Variants in METTL15 observed in about 807,000 individuals in gnomAD.
The protein encoded by METTL15 is 12S rRNA N(4)-cytidine methyltransferase METTL15.
A neutral mutation model predicts 38.3 loss-of-function variants in METTL15; 34 were observed. The ratio of observed to expected loss-of-function variants is 0.89; its 90% CI spans 0.68 to 1.18. The LOEUF (loss-of-function observed/expected upper bound fraction) is 1.18, where lower values mean the gene tolerates loss of function less well. METTL15 is among the 50% of genes most tolerant of loss of function. The pLI, the probability that METTL15 is intolerant of heterozygous loss-of-function variation, is 0.00. For missense variants in METTL15, 438 were observed against 498.4 expected (o/e 0.88, Z 1.15); for synonymous variants, 162 against 170.9 (o/e 0.95, Z 0.41).
downstream of METTL15, among the ~76,000 whole-genome samples, chr11:28,336,056 CT>C (rs1398558147): frequency 2.6e-5 from 4 of 152,090 alleles, no homozygotes; most frequent in East Asian, 1.9e-4. Flanking sequence ...TTAAAGATGT[CT>C]TTTTTCCCCC....
At chr11:28,158,050 G>A (rs1222999304) in intron 3 of METTL15, among the ~76,000 whole-genome samples, 1 of 152,182 alleles carries the variant, frequency 6.6e-6, no homozygotes, top group Admixed American at 6.5e-5. Context: ...ATGACCAGAT[G>A]TGTGATTGTA....
At chr11:28,187,978 G>A (rs550079433) in intron 3 of METTL15, among the ~76,000 whole-genome samples, 3 of 151,328 alleles carry the variant, frequency 2.0e-5, no homozygotes, top group Admixed American at 1.3e-4. Flanking sequence ...AAATACGCAA[G>A]CATTGTTCTT....
At chr11:28,491,085 A>G (rs1213315316) in intron 6 of METTL15, among the ~76,000 whole-genome samples, 1 of 152,126 alleles carries the variant, frequency 6.6e-6, no homozygotes, top group Non-Finnish European at 1.5e-5. Context: ...TGGACTTTTT[A>G]ATATATAGGA....
At chr11:28,194,365 AT>A (rs1452231433) in intron 3 of METTL15, among the ~76,000 whole-genome samples, 1 of 150,982 alleles carries the variant, frequency 6.6e-6, no homozygotes, top group Non-Finnish European at 1.5e-5. Context: ...TGTCTGGCTA[AT>A]TTTTTGTATT....
chr11:28,132,106 A>G (rs1373905787), intron 3 of METTL15, among the ~76,000 whole-genome samples: 1 of 152,210 alleles, frequency 6.6e-6, no homozygotes, highest in Non-Finnish European at 1.5e-5. Flanking sequence ...TAGTTTCAAT[A>G]TCTTTCCTAG....
At chr11:28,416,637 A>G (rs1005944601) in intron 5 of METTL15, among the ~76,000 whole-genome samples, 5 of 152,176 alleles carry the variant, frequency 3.3e-5, no homozygotes, top group Non-Finnish European at 7.3e-5. Context: ...CCCAAACACC[A>G]TAAGGGACTT....
chr11:28,474,362 G>T (rs924522710), intron 6 of METTL15, among the ~76,000 whole-genome samples: 1 of 151,886 alleles, frequency 6.6e-6, no homozygotes, highest in Non-Finnish European at 1.5e-5. Context: ...TAATGATAAT[G>T]CCTCTCTGTA....
intron 6 of METTL15, among the ~76,000 whole-genome samples, chr11:28,520,428 T>G (rs1851755816): frequency 1.3e-5 from 2 of 152,192 alleles, no homozygotes; most frequent in South Asian, 4.1e-4. Context: ...TGGGTGAGGC[T>G]GCCCTGGGAG....
At chr11:28,505,030 C>T (rs368772372) in intron 6 of METTL15, among the ~76,000 whole-genome samples, 54 of 152,298 alleles carry the variant, frequency 3.5e-4, no homozygotes, top group African/African-American at 1.3e-3. Context: ...GGGCCATTCC[C>T]AGTCTTAGTT....
At chr11:28,407,131 T>G (rs1490495097) in intron 5 of METTL15, among the ~76,000 whole-genome samples, 1 of 152,178 alleles carries the variant, frequency 6.6e-6, no homozygotes, top group Non-Finnish European at 1.5e-5. Context: ...TCAGGGAAAC[T>G]GGACTCTTTC....
chr11:28,273,731 G>A (rs953974125), intron 4 of METTL15, among the ~76,000 whole-genome samples: 2 of 151,964 alleles, frequency 1.3e-5, no homozygotes, highest in African/African-American at 4.8e-5. Flanking sequence ...TTAGTAAATG[G>A]ACTAAAGATA....
At chr11:28,374,787 G>A (rs1381729380) in intron 5 of METTL15, among the ~76,000 whole-genome samples, 7 of 150,062 alleles carry the variant, frequency 4.7e-5, no homozygotes, top group Non-Finnish European at 5.9e-5. Flanking sequence ...ATTCAGTATG[G>A]TATTGGCTGT....
At chr11:28,208,773 T>G (rs958325495) in intron 3 of METTL15, among the ~76,000 whole-genome samples, 5 of 152,004 alleles carry the variant, frequency 3.3e-5, no homozygotes, top group Non-Finnish European at 2.9e-5. Context: ...GATTTTAAAC[T>G]GTGGTCTTAT....
At chr11:28,340,990 C>T (rs1849946978) in intron 3 of METTL15, among the ~76,000 whole-genome samples, 1 of 152,136 alleles carries the variant, frequency 6.6e-6, no homozygotes, top group Non-Finnish European at 1.5e-5. Flanking sequence ...ACTGTGCAGT[C>T]ATAAAAAGGA....
chr11:28,293,003 GT>G (rs894857659), intron 5 of METTL15, among the ~76,000 whole-genome samples: 63 of 152,218 alleles, frequency 4.1e-4, no homozygotes, highest in African/African-American at 1.5e-3. Context: ...CATTCTGTAG[GT>G]TGCCTGTTCA....
chr11:28,527,972 C>T (rs1051197314), downstream of METTL15, among the ~76,000 whole-genome samples: 12 of 152,152 alleles, frequency 7.9e-5, no homozygotes, highest in African/African-American at 2.7e-4. Flanking sequence ...AATTCTGACT[C>T]TCAAAGTAAT....
chr11:28,478,967 A>G (rs1351997187), intron 6 of METTL15, among the ~76,000 whole-genome samples: 4 of 152,158 alleles, frequency 2.6e-5, no homozygotes. Flanking sequence ...TGTGAAAACA[A>G]TAGAGAGATG....
intron 6 of METTL15, among the ~76,000 whole-genome samples, chr11:28,431,808 GA>G (rs1186274147): frequency 0.24 from 20,938 of 86,594 alleles, 1,953 homozygotes; most frequent in African/African-American, 0.34. Flanking sequence ...AAAAAAAAAA[GA>G]AAAAAAAAAA....
At chr11:28,239,273 T>G (rs1001482258) in intron 4 of METTL15, among the ~76,000 whole-genome samples, 1 of 152,212 alleles carries the variant, frequency 6.6e-6, no homozygotes, top group Non-Finnish European at 1.5e-5. Flanking sequence ...TTGCCCTGAT[T>G]CCAGCCCATC....
Sources: gnomAD v4.1 joint callset for allele counts (sites outside exome capture counted in the v4.1 genomes callset) on GRCh38, gnomAD v4.1.1 for gene constraint, MANE v1.5 for transcripts, NCBI Gene and HGNC (gene_info 2026-07-23, HGNC 2026-07-21) for gene names.